PDE4D: variants seen among roughly 807,000 people sequenced by gnomAD.
PDE4D encodes the protein 3',5'-cyclic-AMP phosphodiesterase 4D.
In PDE4D, 24 loss-of-function variants were observed where a neutral mutation model predicts 87.4. That is an observed-to-expected ratio of 0.27 (90% confidence interval 0.20 to 0.39). PDE4D has a LOEUF of 0.39. PDE4D is among the 10% of genes least tolerant of loss of function. The probability of loss-of-function intolerance (pLI) is 1.00; values close to 1 mark genes in which losing one functional copy is unlikely to be tolerated. For missense variants in PDE4D, 714 were observed against 1,041.0 expected (o/e 0.69, Z 4.32); for synonymous variants, 384 against 383.2 (o/e 1.00, Z -0.02).
intron 1 of PDE4D, among the ~76,000 whole-genome samples, chr5:59,535,433 T>G (rs955844204): frequency 3.9e-5 from 6 of 152,324 alleles, no homozygotes; most frequent in African/African-American, 1.4e-4. Flanking sequence ...TTAATTTCAT[T>G]CTGTTGATTT....
intron 1 of PDE4D, among the ~76,000 whole-genome samples, chr5:60,378,844 C>T (rs910346772): frequency 3.3e-5 from 5 of 151,806 alleles, no homozygotes; most frequent in African/African-American, 9.7e-5. Context: ...CAGAGCGACA[C>T]TCCGACTCAA....
chr5:59,790,148 T>A (rs541228257), intron 1 of PDE4D, among the ~76,000 whole-genome samples: 1 of 152,286 alleles, frequency 6.6e-6, no homozygotes, highest in East Asian at 1.9e-4. Context: ...GGACAGTAGT[T>A]TAGTGACATG....
chr5:59,998,027 C>T (rs1304624224), intron 2 of PDE4D, among the ~76,000 whole-genome samples: 1 of 152,168 alleles, frequency 6.6e-6, no homozygotes, highest in Non-Finnish European at 1.5e-5. Context: ...AGCCTTGCTT[C>T]AGACAAAAAA....
intron 2 of PDE4D, among the ~76,000 whole-genome samples, chr5:60,095,347 A>G (rs1016376178): frequency 3.3e-5 from 5 of 152,152 alleles, no homozygotes; most frequent in African/African-American, 9.7e-5. Context: ...GATGGTTTCT[A>G]GCTTCATCGA....
intron 1 of PDE4D, among the ~76,000 whole-genome samples, chr5:59,310,432 T>C (rs1296618627): frequency 6.6e-6 from 1 of 152,176 alleles, no homozygotes; most frequent in African/African-American, 2.4e-5. Flanking sequence ...CTGCTACACA[T>C]TGAGACCAGG....
intron 5 of PDE4D, among the ~76,000 whole-genome samples, chr5:59,167,462 T>C (rs986985185): frequency 3.9e-4 from 59 of 152,246 alleles, no homozygotes; most frequent in African/African-American, 1.4e-3. Flanking sequence ...AGTTCTTTTC[T>C]ATTTTCCTTT....
intron 5 of PDE4D, among the ~76,000 whole-genome samples, chr5:59,078,287 A>G (rs1169685524): frequency 1.3e-5 from 2 of 152,200 alleles, no homozygotes; most frequent in Non-Finnish European, 2.9e-5. Flanking sequence ...TACTAAAATA[A>G]AATAATCTCC....
intron 1 of PDE4D, among the ~76,000 whole-genome samples, chr5:59,493,938 T>C (rs764138965): frequency 2.0e-5 from 3 of 152,198 alleles, no homozygotes; most frequent in Non-Finnish European, 2.9e-5. Context: ...CATTACGAAA[T>C]AGTTTTTTTC....
chr5:59,887,667 T>C (rs920087325), intron 1 of PDE4D, among the ~76,000 whole-genome samples: 7 of 152,178 alleles, frequency 4.6e-5, no homozygotes, highest in African/African-American at 1.7e-4. Flanking sequence ...TCCCAAGACA[T>C]GCCTCCAAAC....
At chr5:60,152,512 G>C (rs1781597505) in intron 2 of PDE4D, among the ~76,000 whole-genome samples, 1 of 151,996 alleles carries the variant, frequency 6.6e-6, no homozygotes, top group South Asian at 2.1e-4. Context: ...AATTAGCCTG[G>C]CGTGGTGGCA....
At chr5:59,844,581 C>T (rs1309027093) in intron 1 of PDE4D, among the ~76,000 whole-genome samples, 1 of 152,054 alleles carries the variant, frequency 6.6e-6, no homozygotes, top group African/African-American at 2.4e-5. Flanking sequence ...AAATTGCTAT[C>T]CTGTCATTTA....
chr5:59,764,065 A>G (rs1762488988), intron 1 of PDE4D, among the ~76,000 whole-genome samples: 1 of 152,180 alleles, frequency 6.6e-6, no homozygotes, highest in Non-Finnish European at 1.5e-5. Context: ...CAAACCCCAC[A>G]GTTCTGCCTC....
chr5:59,766,162 C>G (rs541107420), intron 1 of PDE4D, among the ~76,000 whole-genome samples: 2 of 152,164 alleles, frequency 1.3e-5, no homozygotes, highest in Non-Finnish European at 2.9e-5. Context: ...TCAAAAGATG[C>G]CTGTGGATAT....
intron 1 of PDE4D, among the ~76,000 whole-genome samples, chr5:59,656,749 G>A (rs1016806184): frequency 6.6e-6 from 1 of 152,174 alleles, no homozygotes; most frequent in African/African-American, 2.4e-5. Context: ...CACAAGTCTT[G>A]TATGGAATTG....
chr5:59,804,788 T>G (rs1767558197), intron 1 of PDE4D, among the ~76,000 whole-genome samples: 1 of 152,292 alleles, frequency 6.6e-6, no homozygotes, highest in South Asian at 2.1e-4. Context: ...TGTTTCTTTT[T>G]CTATTTTTTG....
At chr5:59,855,363 C>A (rs557163046) in intron 1 of PDE4D, among the ~76,000 whole-genome samples, 2 of 151,910 alleles carry the variant, frequency 1.3e-5, no homozygotes, top group South Asian at 4.2e-4. Context: ...CAAAGATACA[C>A]GTAATAACAA....
intron 1 of PDE4D, among the ~76,000 whole-genome samples, chr5:59,581,411 A>G (rs1157345289): frequency 4.6e-5 from 7 of 152,192 alleles, no homozygotes; most frequent in Admixed American, 4.6e-4. Flanking sequence ...GGAAGAAGCA[A>G]AAAGGAGTGG....
chr5:60,404,092 A>G (rs1741316662), intron 1 of PDE4D, among the ~76,000 whole-genome samples: 2 of 151,980 alleles, frequency 1.3e-5, no homozygotes, highest in African/African-American at 4.8e-5. Context: ...AAAAAGATCT[A>G]GAGAGATTTT....
chr5:59,354,900 A>C (rs563260275), intron 1 of PDE4D, among the ~76,000 whole-genome samples: 5 of 152,182 alleles, frequency 3.3e-5, no homozygotes, highest in Non-Finnish European at 5.9e-5. Context: ...ATAAACTAGA[A>C]CCTCCAAACA....
Sources: gnomAD v4.1 joint callset for allele counts (sites outside exome capture counted in the v4.1 genomes callset) on GRCh38, gnomAD v4.1.1 for gene constraint, MANE v1.5 for transcripts, NCBI Gene and HGNC (gene_info 2026-07-23, HGNC 2026-07-21) for gene names.